The following ZCCHC14 variants were observed in gnomAD, a reference collection of about 807,000 sequenced individuals.
ZCCHC14 encodes the protein zinc finger CCHC-type containing 14, also known as zinc finger CCHC domain-containing protein 14.
ZCCHC14 carries 16 observed loss-of-function variants against 85.0 expected under a neutral mutation model. That is an observed-to-expected ratio of 0.19 (90% CI 0.13 to 0.29). ZCCHC14 has a LOEUF of 0.29. Ranked by LOEUF, ZCCHC14 falls within the 10% of genes least tolerant of loss-of-function variation. ZCCHC14 has a pLI of 1.00. For missense variants in ZCCHC14, 1,303 were observed against 1,443.5 expected (o/e 0.90, Z 1.58); for synonymous variants, 775 against 630.7 (o/e 1.23, Z -3.43).
At chr16:87,490,506 C>G (rs1912704645) in intron 1 of ZCCHC14, among the ~76,000 whole-genome samples, 1 of 152,212 alleles carries the variant, frequency 6.6e-6, no homozygotes, top group Admixed American at 6.5e-5. Context: ...ATAGCTGGAG[C>G]CCCAGACACT....
intron 2 of ZCCHC14, among the ~76,000 whole-genome samples, chr16:87,456,185 C>T (rs1010793493): frequency 1.3e-5 from 2 of 152,296 alleles, no homozygotes; most frequent in South Asian, 4.1e-4. Context: ...CGGCTACACA[C>T]TGGAATCCCA....
chr16:87,447,507 A>AT (rs1458284889), intron 2 of ZCCHC14, among the ~76,000 whole-genome samples: 1 of 152,172 alleles, frequency 6.6e-6, no homozygotes, highest in African/African-American at 2.4e-5. Flanking sequence ...TCAACATTGT[A>AT]TTTTTGAGAT....
chr16:87,492,659 G>C lies in ZCCHC14; in HGVS notation c.-421C>G, dbSNP rs1912827497. On this transcript the variant is annotated 5_prime_UTR_variant, in exon 1 of 13. Coordinates refer to ENST00000671377, the MANE Select transcript of ZCCHC14 (RefSeq NM_015144.3). This position sits in a 1 kb window ranked among gnomAD's most constrained non-coding sequence, Gnocchi z 6.7. Reference sequence around the variant, plus strand: ...GCCCCCATCTCCCCCCGCGCCGCAGGGTCTGTCACTGCGGGCCGCCCCCCG... The same window carrying C: ...GCCCCCATCTCCCCCCGCGCCGCAGCGTCTGTCACTGCGGGCCGCCCCCCG... The C allele has an allele frequency of 6.9e-6, 1 of 145,796 alleles. No individual in the cohort carries two copies. The highest frequency in any genetic ancestry group is 6.8e-5 in the Admixed American group (1 of 14,672). The allele number at this position is 145,796 out of a possible 1,614,324, so 9.0% of individuals were successfully genotyped here. A position where few individuals can be genotyped will look rare whatever the true frequency, so the allele number is the denominator to read the frequency against.
At position 87,420,496 on chromosome 16, in the gene ZCCHC14, C is replaced by G. The variant is rs1909036324; in HGVS notation, c.950+111G>C. Reference sequence around the variant, plus strand: ...CTAGAGGCCAAGTAGAGACCCAGGTCCAGGTGACCGCGCATCCTCCCAGAG... The same window carrying G: ...CTAGAGGCCAAGTAGAGACCCAGGTGCAGGTGACCGCGCATCCTCCCAGAG... On this transcript the variant is annotated intron_variant, in intron 5 of 12. Transcript: ENST00000671377. This position sits in a 1 kb window ranked among gnomAD's most constrained non-coding sequence, Gnocchi z 5.0. 2 of 792,720 alleles carry G rather than the reference C, an allele frequency of 2.5e-6. No homozygotes were observed. Among genetic ancestry groups the G allele is most frequent in the Non-Finnish European group, 3.9e-6 (2 of 508,460 alleles). The allele number at this position is 792,720 out of a possible 1,614,324, so 49.1% of individuals were successfully genotyped here.
At chr16:87,439,446 C>T (rs1389186001) in intron 2 of ZCCHC14, among the ~76,000 whole-genome samples, 1 of 152,174 alleles carries the variant, frequency 6.6e-6, no homozygotes, top group Admixed American at 6.5e-5. Context: ...AGTTCTTACT[C>T]CTCACTTTGC....
rs1355211288 is a variant in ZCCHC14, at chr16:87,412,535, G to A, written c.2186C>T (p.Pro729Leu). The change falls in exon 12 of 13, where the codon CCC (proline) becomes CTC (leucine). Residue 729 changes from proline (P) to leucine (L), a missense_variant. By Grantham distance (98) the Pro-to-Leu change is moderately conservative. This residue lies in a region of ZCCHC14 where 797 missense variants were observed against 730.8 expected (regional missense o/e 1.09). Transcript: ENST00000671377. ...GGATGCATGCACGACTTTGGTCCGG[G>A]GACCAAAGGAGACTGTGGGTGACAT... ...SSMSPTVSFG[P>L]RTKVVHASTL... 1.9e-6 allele frequency: 3 copies of A among 1,614,060 alleles called. No homozygotes were observed. The highest frequency in any genetic ancestry group is 2.2e-5 in the East Asian group (1 of 44,874).
At chr16:87,454,071 C>G (rs1378490731) in intron 2 of ZCCHC14, among the ~76,000 whole-genome samples, 2 of 151,950 alleles carry the variant, frequency 1.3e-5, no homozygotes, top group Non-Finnish European at 2.9e-5. Context: ...CAGAAGGGTA[C>G]AAGAGCTTGA....
intron 1 of ZCCHC14, chr16:87,467,372 G>T (rs765170072): frequency 2.1e-5 from 33 of 1,598,946 alleles, no homozygotes; most frequent in Non-Finnish European, 2.6e-5. Flanking sequence ...GGGTAATTAA[G>T]CAAGAGAAAC....
In ZCCHC14 at chr16:87,420,719, G is replaced by A. The variant is rs987132994; in HGVS notation, c.841-3C>T. On this transcript the variant is annotated splice_region_variant and splice_polypyrimidine_tract_variant and intron_variant, in intron 4 of 12. Coordinates refer to ENST00000671377, the MANE Select transcript of ZCCHC14 (RefSeq NM_015144.3). This position sits in a 1 kb window ranked among gnomAD's most constrained non-coding sequence, Gnocchi z 5.0. ...TCTTCAGGATAGAGCTGACATAGCT[G>A]GAAGAGAGGACAAGGTAGAGGAGGT... is the stretch of plus-strand genomic sequence containing the variant. 1.2e-6 allele frequency: 2 copies of A among 1,609,388 alleles called. No homozygotes were observed. The highest frequency in any genetic ancestry group is 1.7e-6 in the Non-Finnish European group (2 of 1,177,468).
chr16:87,491,257 G>A lies in ZCCHC14; in HGVS notation c.570+412C>T, dbSNP rs1201079210. On this transcript the variant is annotated intron_variant, in intron 1 of 12. Coordinates refer to ENST00000671377, the MANE Select transcript of ZCCHC14 (RefSeq NM_015144.3). The surrounding 1 kb of genome is among the most constrained non-coding windows in gnomAD (Gnocchi z 5.9). ...GCCCCTGCAGCCGCTCCTGCCCAAG[G>A]GGCGCGAGGCGGAGGTGTGGAGGCT... 6.6e-6 allele frequency among the ~76,000 whole-genome samples: 1 copy of A among 152,256 alleles called. No homozygotes were observed. Among genetic ancestry groups the A allele is most frequent in the East Asian group, 1.9e-4 (1 of 5,194 alleles).
chr16:87,487,686 T>C (rs1414746199), intron 1 of ZCCHC14, among the ~76,000 whole-genome samples: 1 of 152,196 alleles, frequency 6.6e-6, no homozygotes, highest in Admixed American at 6.5e-5. Flanking sequence ...AAAGAGCCTA[T>C]TAACCATGAA....
chr16:87,456,981 T>G (rs1212959732), intron 2 of ZCCHC14, among the ~76,000 whole-genome samples: 1 of 152,226 alleles, frequency 6.6e-6, no homozygotes, highest in East Asian at 1.9e-4. Context: ...AGAGTATTAG[T>G]AAAAGCAGTT....
rs991792558 is a variant in ZCCHC14 at position 87,437,420 on chromosome 16, A to G, written c.695-4219T>C. Among the ~76,000 whole-genome samples the G allele has an allele frequency of 7.2e-5, 11 of 152,118 alleles. 1 individual carries two copies. Among genetic ancestry groups the G allele is most frequent in the African/African-American group, 2.7e-4 (11 of 41,412 alleles). ...AGAGAGCAGAGCCAGAGGGACCACAAAGACAGGATCCGCGCTGGCCAGAAA... is the reference window on the plus strand; with the variant it reads ...AGAGAGCAGAGCCAGAGGGACCACAGAGACAGGATCCGCGCTGGCCAGAAA... On this transcript the variant is annotated intron_variant, in intron 2 of 12. Transcript: ENST00000671377.
chr16:87,449,605 C>T (rs192288227), intron 2 of ZCCHC14, among the ~76,000 whole-genome samples: 23 of 152,214 alleles, frequency 1.5e-4, no homozygotes, highest in Admixed American at 1.4e-3. Flanking sequence ...AAATGTCTTT[C>T]TTTAATTTGC....
At position 87,407,585 on chromosome 16, in the gene ZCCHC14, A is replaced by G. The variant is rs1908258372; in HGVS notation, c.*2695T>C. On this transcript the variant is annotated 3_prime_UTR_variant, in exon 13 of 13. Coordinates refer to ENST00000671377, the MANE Select transcript of ZCCHC14 (RefSeq NM_015144.3). Reference sequence around the variant, plus strand: ...TCCATCTCTACATTCCACTTTCCCCATTCTTGGAGATTAAAAAAACAGGGT... The same window carrying G: ...TCCATCTCTACATTCCACTTTCCCCGTTCTTGGAGATTAAAAAAACAGGGT... 4 of 152,168 alleles carry G rather than the reference A, an allele frequency of 2.6e-5. No homozygotes were observed. The South Asian group carries it at 6.2e-4, about 24-fold the overall frequency. 9.4% of individuals were successfully genotyped at this position (152,168 alleles called of 1,614,324 possible).
At chr16:87,431,526 C>T in intron 3 of ZCCHC14, among the ~76,000 whole-genome samples, 1 of 151,640 alleles carries the variant, frequency 6.6e-6, no homozygotes, top group East Asian at 1.9e-4. Context: ...AAAGCTATGG[C>T]CGGTCAGGTT....
Position 87,419,929 on chromosome 16 carries a change from C to T in ZCCHC14, c.951-52G>A, listed in dbSNP as rs763033064. On this transcript the variant is annotated intron_variant, in intron 5 of 12. Coordinates refer to ENST00000671377, the MANE Select transcript of ZCCHC14 (RefSeq NM_015144.3). ...AACATTAAAATGGCATTCCTGCTGACGAATTGAAAGAAAAAAATTTAACTT... is the reference window on the plus strand; with the variant it reads ...AACATTAAAATGGCATTCCTGCTGATGAATTGAAAGAAAAAAATTTAACTT... 15 of 1,479,664 alleles carry T rather than the reference C, an allele frequency of 1.0e-5. No homozygotes were observed. The Admixed American group carries it at 1.3e-4, about 13-fold the overall frequency. The allele number at this position is 1,479,664 out of a possible 1,614,324, so 91.7% of individuals were successfully genotyped here. A position where few individuals can be genotyped will look rare whatever the true frequency, so the allele number is the denominator to read the frequency against.
intron 2 of ZCCHC14, among the ~76,000 whole-genome samples, chr16:87,459,056 G>A (rs1012864957): frequency 2.6e-5 from 4 of 152,172 alleles, no homozygotes; most frequent in Non-Finnish European, 2.9e-5. Flanking sequence ...CTTTGCAGCT[G>A]ATCATAACAC....
intron 4 of ZCCHC14, among the ~76,000 whole-genome samples, chr16:87,423,272 G>C (rs1909197847): frequency 1.3e-5 from 2 of 152,280 alleles, no homozygotes; most frequent in South Asian, 4.1e-4. Context: ...CCAGATATTT[G>C]TAAAGATAAA....
Sources: gnomAD v4.1 joint callset for allele counts (sites outside exome capture counted in the v4.1 genomes callset) on GRCh38, gnomAD v4.1.1 for gene constraint, gnomAD v4.1.1 regional missense constraint, Gnocchi (gnomAD v3.1) non-coding constraint, MANE v1.5 for transcripts, NCBI Gene and HGNC (gene_info 2026-07-23, HGNC 2026-07-21) for gene names.